RSU1: variants seen among roughly 807,000 people sequenced by gnomAD.
RSU1 encodes the protein Ras suppressor protein 1.
A neutral mutation model predicts 31.1 loss-of-function variants in RSU1; 26 were observed. That is an observed-to-expected ratio of 0.84 (90% CI 0.61 to 1.16). The LOEUF (loss-of-function observed/expected upper bound fraction) is 1.16. RSU1 is among the 50% of genes most tolerant of loss of function. The probability of loss-of-function intolerance (pLI) is 0.00; values close to 1 mark genes in which losing one functional copy is unlikely to be tolerated. For synonymous variants in RSU1, 164 were observed against 136.3 expected, an observed-to-expected ratio of 1.20 and a Z score of -1.41; for missense variants, 320 against 339.1, an observed-to-expected ratio of 0.94 and a Z score of 0.44.
At chr10:16,792,190 C>T (rs965950178) in intron 2 of RSU1, among the ~76,000 whole-genome samples, 9 of 152,130 alleles carry the variant, frequency 5.9e-5, no homozygotes, top group African/African-American at 1.7e-4. Flanking sequence ...CTGTGCATTC[C>T]GAATGAAAGC....
chr10:16,807,971 C>T (rs1304694414), intron 2 of RSU1, among the ~76,000 whole-genome samples: 1 of 148,974 alleles, frequency 6.7e-6, no homozygotes, highest in African/African-American at 2.5e-5. Context: ...TGCAGCGAGC[C>T]GAGATCACGC....
chr10:16,610,211 C>T (rs1183365873), intron 8 of RSU1, among the ~76,000 whole-genome samples: 1 of 152,116 alleles, frequency 6.6e-6, no homozygotes, highest in African/African-American at 2.4e-5. Flanking sequence ...AGCACACTGT[C>T]CGTCAGACAA....
chr10:16,717,507 A>C (rs74803269), intron 7 of RSU1, among the ~76,000 whole-genome samples: 4,030 of 152,316 alleles, frequency 0.026, 177 homozygotes, highest in African/African-American at 0.088. Context: ...CAGAAGAAAC[A>C]ATGAAAAGAA....
chr10:16,688,988 A>C (rs764874748), intron 8 of RSU1, among the ~76,000 whole-genome samples: 3 of 148,920 alleles, frequency 2.0e-5, no homozygotes, highest in Non-Finnish European at 4.4e-5. Context: ...AGCCTGGGTG[A>C]CAAAGTGATA....
intron 7 of RSU1, among the ~76,000 whole-genome samples, chr10:16,752,229 G>C (rs1836993595): frequency 6.6e-6 from 1 of 152,190 alleles, no homozygotes; most frequent in Admixed American, 6.5e-5. Context: ...TCAATGAGGA[G>C]CCAGGGATAA....
intron 8 of RSU1, among the ~76,000 whole-genome samples, chr10:16,690,119 C>T (rs1420851572): frequency 1.3e-5 from 2 of 152,132 alleles, no homozygotes; most frequent in Non-Finnish European, 2.9e-5. Context: ...AGGGTGCTGA[C>T]TTCAACTTGA....
At chr10:16,667,748 A>G (rs1254831500) in intron 8 of RSU1, among the ~76,000 whole-genome samples, 2 of 152,168 alleles carry the variant, frequency 1.3e-5, no homozygotes, top group East Asian at 1.9e-4. Context: ...TTGGCTTCCC[A>G]AGGTGCTGCA....
intron 2 of RSU1, among the ~76,000 whole-genome samples, chr10:16,799,833 C>G (rs74703564): frequency 0.025 from 3,822 of 152,200 alleles, 54 homozygotes; most frequent in Non-Finnish European, 0.036. Context: ...AATTTGGTAG[C>G]CGGGGGCGGG....
At chr10:16,692,334 C>A (rs1407007445) in intron 8 of RSU1, among the ~76,000 whole-genome samples, 2 of 152,120 alleles carry the variant, frequency 1.3e-5, no homozygotes, top group African/African-American at 4.8e-5. Context: ...AATACAAAAT[C>A]CAGAAACTCA....
At chr10:16,634,522 T>C (rs1588685476) in intron 8 of RSU1, among the ~76,000 whole-genome samples, 2 of 152,336 alleles carry the variant, frequency 1.3e-5, no homozygotes, top group South Asian at 2.1e-4. Flanking sequence ...TTTGAAAGAA[T>C]ATGTGATTTT....
intron 2 of RSU1, among the ~76,000 whole-genome samples, chr10:16,806,785 C>G (rs1212088559): frequency 6.6e-6 from 1 of 152,178 alleles, no homozygotes; most frequent in Non-Finnish European, 1.5e-5. Context: ...AAGAGTCTCA[C>G]TCTTGTCGCC....
At chr10:16,649,584 T>C (rs962529283) in intron 8 of RSU1, among the ~76,000 whole-genome samples, 4 of 152,152 alleles carry the variant, frequency 2.6e-5, no homozygotes, top group African/African-American at 7.2e-5. Context: ...GCGACAAAAC[T>C]GCCAAAGAGG....
chr10:16,782,149 G>A (rs1837666852), intron 2 of RSU1, 65 bp from the exon 3 acceptor site: 1 of 1,319,028 alleles, frequency 7.6e-7, no homozygotes, highest in Admixed American at 1.8e-5. Flanking sequence ...GATTCTACCT[G>A]TACTCCTACA....
At chr10:16,622,033 C>T (rs1308710488) in intron 8 of RSU1, among the ~76,000 whole-genome samples, 1 of 152,150 alleles carries the variant, frequency 6.6e-6, no homozygotes, top group Non-Finnish European at 1.5e-5. Context: ...TCTCCATGCT[C>T]TGATTATTTT....
intron 7 of RSU1, chr10:16,723,081 TAC>T (rs781473602): frequency 6.6e-6 from 1 of 151,696 alleles, no homozygotes; most frequent in African/African-American, 2.4e-5. Flanking sequence ...TATATATATA[TAC>T]ACACATATAT....
In RSU1 at chr10:16,591,920, G is replaced by A. The variant is rs1384363594; in HGVS notation, c.*1474C>T. The A allele has an allele frequency of 1.3e-5, 2 of 152,188 alleles. No individual in the cohort carries two copies. Among genetic ancestry groups the A allele is most frequent in the Admixed American group, 6.5e-5 (1 of 15,282 alleles). 9.4% of individuals were successfully genotyped at this position (152,188 alleles called of 1,614,324 possible). ...TCAACTCTATCCCTAAACAGGGGAT[G>A]GGACCTGGGGAAGCCACTTCCCACA... On this transcript the variant is annotated 3_prime_UTR_variant, in exon 9 of 9. Transcript: ENST00000345264.
intron 8 of RSU1, among the ~76,000 whole-genome samples, chr10:16,692,980 T>G (rs116326802): frequency 0.02 from 3,055 of 152,276 alleles, 97 homozygotes; most frequent in African/African-American, 0.07. Context: ...TTCTTTTTTT[T>G]GGGATGGAAT....
intron 8 of RSU1, among the ~76,000 whole-genome samples, chr10:16,674,370 G>A (rs543520317): frequency 6.7e-5 from 10 of 149,196 alleles, no homozygotes; most frequent in African/African-American, 9.8e-5. Context: ...GGGAAACACT[G>A]AAAATGTGTC....
chr10:16,725,129 C>G (rs1315106523), intron 7 of RSU1, among the ~76,000 whole-genome samples: 1 of 152,114 alleles, frequency 6.6e-6, no homozygotes, highest in Non-Finnish European at 1.5e-5. Flanking sequence ...ATTCGCTGAA[C>G]TATAAGCTTA....
Sources: gnomAD v4.1 joint callset for allele counts (sites outside exome capture counted in the v4.1 genomes callset) on GRCh38, gnomAD v4.1.1 for gene constraint, MANE v1.5 for transcripts, NCBI Gene and HGNC (gene_info 2026-07-23, HGNC 2026-07-21) for gene names.